The following SEMA4D variants were observed in gnomAD, a reference collection of about 807,000 sequenced individuals.
SEMA4D encodes semaphorin-4D.
In SEMA4D, 22 loss-of-function variants were observed where a neutral mutation model predicts 74.8. That is an observed-to-expected ratio of 0.29 (90% CI 0.21 to 0.42). The LOEUF (loss-of-function observed/expected upper bound fraction) is 0.42, where lower values mean the gene tolerates loss of function less well. SEMA4D is among the 10% of genes least tolerant of loss of function. The pLI is 1.00. For synonymous variants in SEMA4D, 445 were observed against 463.7 expected (o/e 0.96, Z 0.52); for missense variants, 937 against 1,118.4 (o/e 0.84, Z 2.31).
intron 1 of SEMA4D, among the ~76,000 whole-genome samples, chr9:89,466,779 G>A (rs945755887): frequency 2.0e-5 from 3 of 152,166 alleles, no homozygotes; most frequent in African/African-American, 7.2e-5. Context: ...CAGGGAGGCG[G>A]CTACCAGGTC....
At chr9:89,443,503 G>A (rs767564202) in intron 2 of SEMA4D, among the ~76,000 whole-genome samples, 2 of 152,240 alleles carry the variant, frequency 1.3e-5, no homozygotes, top group Non-Finnish European at 2.9e-5. Flanking sequence ...AAAGCACAGC[G>A]TGGACTCCAC....
chr9:89,397,154 T>G (rs1841154296), intron 5 of SEMA4D, among the ~76,000 whole-genome samples: 1 of 152,120 alleles, frequency 6.6e-6, no homozygotes, highest in African/African-American at 2.4e-5. Context: ...GCTGTTCAGG[T>G]GCCAAACAGG....
chr9:89,432,435 G>C (rs1849479350), intron 2 of SEMA4D, among the ~76,000 whole-genome samples: 1 of 152,162 alleles, frequency 6.6e-6, no homozygotes, highest in South Asian at 2.1e-4. Flanking sequence ...TGAGGCTAGT[G>C]TGAGGGGCGC....
intron 18 of SEMA4D, among the ~76,000 whole-genome samples, chr9:89,363,205 T>C (rs931958130): frequency 3.3e-5 from 5 of 152,162 alleles, no homozygotes; most frequent in African/African-American, 7.2e-5. Context: ...TTCAGTCTCT[T>C]TTAAGGGCTG....
chr9:89,380,189 G>T (rs899014615), intron 15 of SEMA4D, among the ~76,000 whole-genome samples: 1 of 151,710 alleles, frequency 6.6e-6, no homozygotes, highest in East Asian at 1.9e-4. Context: ...ACCACCTCCA[G>T]GCCTGGCTAA....
chr9:89,455,128 C>T (rs1855619836), intron 2 of SEMA4D, among the ~76,000 whole-genome samples: 3 of 152,276 alleles, frequency 2.0e-5, no homozygotes, highest in Admixed American at 2.0e-4. Context: ...TCCATGGCCT[C>T]ATCCATGACA....
At chr9:89,395,906 A>C (rs1315538006) in intron 6 of SEMA4D, among the ~76,000 whole-genome samples, 1 of 152,216 alleles carries the variant, frequency 6.6e-6, no homozygotes, top group Non-Finnish European at 1.5e-5. Flanking sequence ...CATATTTTAC[A>C]TTTATCAGGA....
chr9:89,389,172 G>T lies in SEMA4D; in HGVS notation c.775-125C>A. On this transcript the variant is annotated intron_variant, in intron 9 of 15. Transcript: ENST00000422704. ...GCTGTGCCTGACTGAAACAAAGCTC[G>T]GGCAACAGGAGACAGATGCCGCAAT... 4.3e-6 allele frequency: 4 copies of T among 936,990 alleles called. No individual in the cohort carries two copies. The East Asian group carries it at 7.4e-5, about 17-fold the overall frequency. The allele number at this position is 936,990 out of a possible 1,614,324, so 58.0% of individuals were successfully genotyped here.
At chr9:89,490,677 T>C (rs1825559941) in intron 1 of SEMA4D, among the ~76,000 whole-genome samples, 1 of 152,220 alleles carries the variant, frequency 6.6e-6, no homozygotes, top group Admixed American at 6.5e-5. Flanking sequence ...TTAGGATATC[T>C]TCAACTTAAT....
intron 2 of SEMA4D, among the ~76,000 whole-genome samples, chr9:89,437,927 C>CTTGACATGCCTCTGCCAAA (rs1265380089): frequency 6.6e-6 from 1 of 152,222 alleles, no homozygotes; most frequent in Non-Finnish European, 1.5e-5. Context: ...ATGAGCCATC[C>CTTGACATGCCTCTGCCAAA]AACCTGCTAA....
intron 1 of SEMA4D, among the ~76,000 whole-genome samples, chr9:89,462,841 G>A (rs147650258): frequency 0.024 from 3,294 of 138,080 alleles, 53 homozygotes; most frequent in Non-Finnish European, 0.033. Context: ...CTACTTGGGA[G>A]GGTGAGGCAG....
chr9:89,376,881 G>A (rs753056223), downstream of SEMA4D: 68 of 1,550,792 alleles, frequency 4.4e-5, 1 homozygote, highest in Admixed American at 1.4e-4. Flanking sequence ...TGCACGTGCT[G>A]TGCCTGGTCA....
chr9:89,483,701 T>C (rs1442538225), intron 1 of SEMA4D, among the ~76,000 whole-genome samples: 1 of 101,610 alleles, frequency 9.8e-6, no homozygotes, highest in Non-Finnish European at 2.2e-5. Flanking sequence ...GCGGCTGTTA[T>C]GAGCAAAACT....
At chr9:89,463,750 A>G (rs533237578) in intron 1 of SEMA4D, among the ~76,000 whole-genome samples, 3 of 152,234 alleles carry the variant, frequency 2.0e-5, no homozygotes, top group East Asian at 3.9e-4. Context: ...CCTGGCCAAC[A>G]TGGTGAAACC....
chr9:89,416,341 C>T (rs1164662403), intron 2 of SEMA4D, among the ~76,000 whole-genome samples: 1 of 152,212 alleles, frequency 6.6e-6, no homozygotes, highest in Admixed American at 6.5e-5. Flanking sequence ...AAAGGGGATG[C>T]TCCTCAATGA....
rs776804088 is a variant in SEMA4D at position 89,405,333 on chromosome 9, G to A, written c.106+18C>T. ...CCCATCCCAGGCCATCAGCACCCCT[G>A]CAGGTTTCGTCACTCACCTCTGTGC... On this transcript the variant is annotated intron_variant, in intron 3 of 15. Transcript: ENST00000422704. 1.2e-6 allele frequency: 2 copies of A among 1,606,536 alleles called. No individual in the cohort carries two copies. Among genetic ancestry groups the A allele is most frequent in the African/African-American group, 1.3e-5 (1 of 74,890 alleles).
intron 13 of SEMA4D, among the ~76,000 whole-genome samples, chr9:89,384,121 G>A (rs1377108927): frequency 6.6e-6 from 1 of 152,142 alleles, no homozygotes; most frequent in Non-Finnish European, 1.5e-5. Context: ...CTCAGAGAGG[G>A]CCGAGCAAAC....
intron 1 of SEMA4D, among the ~76,000 whole-genome samples, chr9:89,480,150 G>A (rs1407158240): frequency 6.6e-6 from 1 of 151,622 alleles, no homozygotes; most frequent in Admixed American, 6.6e-5. Context: ...CTAAACACAG[G>A]GTGCTGATTG....
chr9:89,419,916 CAA>C (rs199761234), intron 2 of SEMA4D, among the ~76,000 whole-genome samples: 1 of 150,988 alleles, frequency 6.6e-6, no homozygotes, highest in African/African-American at 2.4e-5. Context: ...GACTCCGTCT[CAA>C]AAAAAACAAA....
Sources: allele counts gnomAD v4.1 joint callset (sites outside exome capture counted in the v4.1 genomes callset), GRCh38; gene constraint gnomAD v4.1.1; transcripts MANE v1.5; gene names NCBI Gene and HGNC (gene_info 2026-07-23, HGNC 2026-07-21).